Variants in DAB1 observed in about 807,000 individuals in gnomAD.
The protein encoded by DAB1 is disabled homolog 1.
Under a neutral mutation model 64.6 loss-of-function variants are expected in DAB1, and 15 were observed. The ratio of observed to expected loss-of-function variants is 0.23; its 90% confidence interval spans 0.16 to 0.36. The LOEUF (loss-of-function observed/expected upper bound fraction) is 0.36. Among genes scored for constraint, DAB1 ranks in the 10% least tolerant of loss-of-function variants. The pLI is 1.00. For missense variants in DAB1, 596 were observed against 706.7 expected (o/e 0.84, Z 1.78); for synonymous variants, 235 against 251.9 (o/e 0.93, Z 0.64).
At chr1:58,310,047 A>G (rs552826109) in intron 4 of DAB1, among the ~76,000 whole-genome samples, 1 of 152,328 alleles carries the variant, frequency 6.6e-6, no homozygotes, top group Admixed American at 6.5e-5. Flanking sequence ...GATCAAAGCA[A>G]TTAGTCAAGT....
intron 4 of DAB1, among the ~76,000 whole-genome samples, chr1:57,112,213 A>G (rs1655723998): frequency 6.6e-6 from 1 of 152,212 alleles, no homozygotes; most frequent in Non-Finnish European, 1.5e-5. Context: ...CTAGGAGACT[A>G]AGAGCATAGA....
chr1:58,157,927 T>C (rs1457722343), intron 4 of DAB1, among the ~76,000 whole-genome samples: 5 of 152,240 alleles, frequency 3.3e-5, no homozygotes, highest in Non-Finnish European at 7.4e-5. Flanking sequence ...AACAAATTTA[T>C]AGTACATGGG....
At chr1:57,537,824 C>T (rs900959502) in intron 7 of DAB1, among the ~76,000 whole-genome samples, 4 of 152,174 alleles carry the variant, frequency 2.6e-5, no homozygotes, top group Non-Finnish European at 5.9e-5. Flanking sequence ...TTATTTGGCT[C>T]ACAATTCTGC....
intron 4 of DAB1, among the ~76,000 whole-genome samples, chr1:58,264,614 G>GACATCAAGCTTGCCTACATCAAACT (rs1285310615): frequency 1.3e-5 from 2 of 152,182 alleles, no homozygotes; most frequent in Admixed American, 6.5e-5. Flanking sequence ...GACTTCCAAG[G>GACATCAAGCTTGCCTACATCAAACT]ACATCAAGCT....
chr1:57,194,938 C>G (rs1664500905), intron 2 of DAB1, among the ~76,000 whole-genome samples: 2 of 152,236 alleles, frequency 1.3e-5, no homozygotes, highest in Admixed American at 1.3e-4. Flanking sequence ...GGCTCATTCT[C>G]ATCCACATGC....
Position 57,462,633 on chromosome 1 carries a change from C to T in DAB1, n.626-171467G>A, listed in dbSNP as rs184142780. On this transcript the variant is annotated intron_variant and non_coding_transcript_variant, in intron 7 of 20. Transcript: ENST00000485760. ...TCTTACAACAACCCTATGAGAGGGTCGTACTGCTCCCATTTTTTAAATGAA... is the reference window on the plus strand; with the variant it reads ...TCTTACAACAACCCTATGAGAGGGTTGTACTGCTCCCATTTTTTAAATGAA... Among the ~76,000 whole-genome samples the T allele has an allele frequency of 3.9e-5, 6 of 152,252 alleles. No homozygotes were observed. The East Asian group carries it at 1.2e-3, about 29-fold the overall frequency.
intron 6 of DAB1, among the ~76,000 whole-genome samples, chr1:57,682,753 C>A (rs1415693485): frequency 6.6e-6 from 1 of 152,132 alleles, no homozygotes; most frequent in Non-Finnish European, 1.5e-5. Flanking sequence ...TGGGGGGAAG[C>A]TCCAGTGGAG....
intron 7 of DAB1, among the ~76,000 whole-genome samples, chr1:57,569,399 A>G (rs2101529389): frequency 6.6e-6 from 1 of 152,256 alleles, no homozygotes; most frequent in African/African-American, 2.4e-5. Flanking sequence ...ATGGAATACT[A>G]TGCAGCCATA....
chr1:57,838,268 T>C lies in DAB1; in HGVS notation n.88-11813A>G, dbSNP rs146583411. 2.3e-4 allele frequency among the ~76,000 whole-genome samples: 35 copies of C among 152,320 alleles called. No homozygotes were observed. The East Asian group carries it at 6.6e-3, about 29-fold the overall frequency. On this transcript the variant is annotated intron_variant and non_coding_transcript_variant, in intron 1 of 1. Transcript: ENST00000477280. The stretch of plus-strand genomic sequence containing the variant: ...ATGGTGTTTTCAAAAAGTTAGGCTA[T>C]TGAGAAGTCATAAATATAATCCCAA...
At chr1:58,322,180 G>A (rs1015888939) in intron 4 of DAB1, among the ~76,000 whole-genome samples, 2 of 152,152 alleles carry the variant, frequency 1.3e-5, no homozygotes, top group African/African-American at 4.8e-5. Context: ...ATAGGCATGG[G>A]CAAAGACCTC....
At position 58,534,261 on chromosome 1, in the gene DAB1, A is replaced by C. The variant is rs764595590; in HGVS notation, n.33-6926T>G. ...TTTATTGCATTCAATTAGATGACAA[A>C]GCACTTCTTTAACAGCCAGGTATCG... On this transcript the variant is annotated intron_variant and non_coding_transcript_variant, in intron 1 of 20. Coordinates refer to the DAB1 transcript ENST00000485760. 1.3e-5 allele frequency: 11 copies of C among 871,530 alleles called. No individual in the cohort carries two copies. In the Admixed American group the frequency reaches 1.9e-4, roughly 15 times the overall value. 54.0% of individuals were successfully genotyped at this position (871,530 alleles called of 1,614,324 possible). A position where few individuals can be genotyped will look rare whatever the true frequency, so the allele number is the denominator to read the frequency against.
chr1:57,241,688 C>A (rs564840236), intron 2 of DAB1, among the ~76,000 whole-genome samples: 1 of 152,156 alleles, frequency 6.6e-6, no homozygotes, highest in Non-Finnish European at 1.5e-5. Context: ...TGGAGTCTAG[C>A]CCTTCTGAGT....
chr1:57,401,388 GA>G (rs1348470695), intron 1 of DAB1, among the ~76,000 whole-genome samples: 1 of 152,122 alleles, frequency 6.6e-6, no homozygotes, highest in Non-Finnish European at 1.5e-5. Flanking sequence ...TTTCATAAAT[GA>G]AAAAACATAT....
At chr1:57,300,286 G>A (rs1051625708) in intron 1 of DAB1, among the ~76,000 whole-genome samples, 3 of 152,152 alleles carry the variant, frequency 2.0e-5, no homozygotes, top group Non-Finnish European at 4.4e-5. Context: ...AATTATTAGG[G>A]AGGGAAAAAG....
intron 2 of DAB1, among the ~76,000 whole-genome samples, chr1:57,271,933 T>C (rs962428313): frequency 2.0e-5 from 3 of 152,152 alleles, no homozygotes; most frequent in African/African-American, 7.2e-5. Flanking sequence ...AATCTGGAAC[T>C]GGAACCCTGT....
At chr1:57,705,924 C>T (rs928194441) in intron 6 of DAB1, among the ~76,000 whole-genome samples, 3 of 149,572 alleles carry the variant, frequency 2.0e-5, no homozygotes, top group Non-Finnish European at 4.4e-5. Context: ...CATTTAGTCA[C>T]ATGCTTAGTA....
rs536887895 is a variant in DAB1, at chr1:57,592,386, G to T, written n.625+57206C>A. ...TAGAACCGGATTGAGAGCCCAGCCAGTCAGGTGACTGTGCAGGGTGCCCCC... is the reference window on the plus strand; with the variant it reads ...TAGAACCGGATTGAGAGCCCAGCCATTCAGGTGACTGTGCAGGGTGCCCCC... On this transcript the variant is annotated intron_variant and non_coding_transcript_variant, in intron 7 of 20. Coordinates refer to the DAB1 transcript ENST00000485760. Among the ~76,000 whole-genome samples the T allele has an allele frequency of 3.9e-5, 6 of 152,208 alleles. No individual in the cohort carries two copies. In the East Asian group the frequency reaches 1.2e-3, roughly 30 times the overall value.
rs146491704 is a variant in DAB1 at position 57,550,882 on chromosome 1, A to G, written n.625+98710T>C. ...TGTAGAGGAGAAATGAATAACATTT[A>G]TAAAGCACTTACTTGGTATCAAGTA... On this transcript the variant is annotated intron_variant and non_coding_transcript_variant, in intron 7 of 20. Transcript: ENST00000485760. 4.6e-5 allele frequency among the ~76,000 whole-genome samples: 7 copies of G among 152,370 alleles called. No individual in the cohort carries two copies. The East Asian group carries it at 1.2e-3, about 25-fold the overall frequency.
chr1:57,659,978 AAAAT>A (rs55782137), intron 6 of DAB1, among the ~76,000 whole-genome samples: 1,726 of 138,742 alleles, frequency 0.012, 18 homozygotes, highest in African/African-American at 0.031. Context: ...CTCTCTCTCA[AAAAT>A]AAATAAATAA....
Sources: gnomAD v4.1 joint callset for allele counts (sites outside exome capture counted in the v4.1 genomes callset) on GRCh38, gnomAD v4.1.1 for gene constraint, MANE v1.5 for transcripts, NCBI Gene and HGNC (gene_info 2026-07-23, HGNC 2026-07-21) for gene names.